Variants in KDM1A observed in about 807,000 individuals in gnomAD.
KDM1A encodes lysine-specific histone demethylase 1A.
Under a neutral mutation model 109.4 loss-of-function variants are expected in KDM1A, and 49 were observed. The ratio of observed to expected loss-of-function variants is 0.45; its 90% confidence interval spans 0.36 to 0.57. The LOEUF is 0.57. Among genes scored for constraint, KDM1A ranks in the 20% least tolerant of loss-of-function variants. The pLI is 0.00. For missense variants in KDM1A, 668 were observed against 1,116.6 expected (o/e 0.60, Z 5.73); for synonymous variants, 380 against 415.4 (o/e 0.91, Z 1.04).
At chr1:23,077,665 T>A (rs1025089196) in intron 16 of KDM1A, among the ~76,000 whole-genome samples, 1 of 152,230 alleles carries the variant, frequency 6.6e-6, no homozygotes, top group Non-Finnish European at 1.5e-5. Flanking sequence ...GCATTTCCTT[T>A]GAGCACCATG....
chr1:23,070,619 T>C (rs945712029), intron 12 of KDM1A, among the ~76,000 whole-genome samples: 4 of 151,968 alleles, frequency 2.6e-5, no homozygotes, highest in Admixed American at 6.6e-5. Flanking sequence ...CCATTCTGGC[T>C]AACATGGTGA....
chr1:23,029,764 C>T (rs753109826), intron 1 of KDM1A, among the ~76,000 whole-genome samples: 7 of 152,058 alleles, frequency 4.6e-5, no homozygotes, highest in East Asian at 3.9e-4. Flanking sequence ...CTCAGCCTCC[C>T]GAGTAGCTGG....
intron 2 of KDM1A, among the ~76,000 whole-genome samples, chr1:23,031,082 G>A (rs1641967878): frequency 6.6e-6 from 1 of 152,222 alleles, no homozygotes. Flanking sequence ...CTTCCACGGT[G>A]TGGATCGGTT....
chr1:23,072,019 G>T, intron 13 of KDM1A, 105 bp from the exon 14 acceptor site: 1 of 713,120 alleles, frequency 1.4e-6, no homozygotes, highest in South Asian at 1.8e-5. Flanking sequence ...TCCTGTACAT[G>T]ATCTGAAGAG....
chr1:23,055,058 T>C lies in KDM1A; in HGVS notation c.791-11T>C, dbSNP rs760607108. Reference sequence around the variant, plus strand: ...AAATAAAACCGTGTTTTTAATCCACTTATTCTGTAGGTGATACTGTGCTTG... The same window carrying C: ...AAATAAAACCGTGTTTTTAATCCACCTATTCTGTAGGTGATACTGTGCTTG... On this transcript the variant is annotated splice_polypyrimidine_tract_variant and intron_variant, in intron 5 of 20. Coordinates refer to ENST00000400181, the MANE Select transcript of KDM1A (RefSeq NM_001009999.3). 6.1e-5 allele frequency: 95 copies of C among 1,554,114 alleles called. No homozygotes were observed. Among genetic ancestry groups the C allele is most frequent in the Non-Finnish European group, 8.3e-5 (94 of 1,139,002 alleles).
In KDM1A at chr1:23,082,131, A is replaced by G. The variant is rs892142145; in HGVS notation, c.2299-89A>G. 4.3e-6 allele frequency: 6 copies of G among 1,408,882 alleles called. No individual in the cohort carries two copies. The Admixed American group carries it at 7.9e-5, about 19-fold the overall frequency. 87.3% of individuals were successfully genotyped at this position (1,408,882 alleles called of 1,614,324 possible). ...GTTGCCCCTCTTTCTCTTCACTTGCATCTCCACCCACCACTGCTTTTCCAC... is the reference window on the plus strand; with the variant it reads ...GTTGCCCCTCTTTCTCTTCACTTGCGTCTCCACCCACCACTGCTTTTCCAC... On this transcript the variant is annotated intron_variant, in intron 19 of 20. Transcript: ENST00000400181.
chr1:23,075,498 G>A (rs1282971939), intron 15 of KDM1A, among the ~76,000 whole-genome samples: 1 of 151,874 alleles, frequency 6.6e-6, no homozygotes, highest in Non-Finnish European at 1.5e-5. Flanking sequence ...CTGAACCCAG[G>A]AGGCAGAGGC....
Position 23,019,669 on chromosome 1 carries a change from C to T in KDM1A, c.73C>T (p.Pro25Ser). ...AAAATGTEAG[P>S]GTAGGSENGS... Reference sequence around the variant, plus strand: ...GGCAGCAACCGGGACGGAGGCTGGCCCTGGGACAGCAGGCGGCTCCGAGAA... The same window carrying T: ...GGCAGCAACCGGGACGGAGGCTGGCTCTGGGACAGCAGGCGGCTCCGAGAA... The change falls in exon 1 of 21, where the codon CCT becomes TCT. Residue 25 changes from proline to serine, a missense_variant. Physicochemically the swap from Pro to Ser is moderately conservative, Grantham distance 74 (BLOSUM62 -1). Transcript: ENST00000400181. 7.3e-7 allele frequency: 1 copy of T among 1,377,800 alleles called. No individual in the cohort carries two copies. Among genetic ancestry groups the T allele is most frequent in the Non-Finnish European group, 9.3e-7 (1 of 1,073,482 alleles). 85.3% of individuals were successfully genotyped at this position (1,377,800 alleles called of 1,614,324 possible). A position where few individuals can be genotyped will look rare whatever the true frequency, so the allele number is the denominator to read the frequency against.
intron 2 of KDM1A, among the ~76,000 whole-genome samples, chr1:23,041,580 T>C (rs1446962959): frequency 6.6e-6 from 1 of 151,384 alleles, no homozygotes; most frequent in Non-Finnish European, 1.5e-5. Flanking sequence ...GTAGCTGGGA[T>C]TACAGGTGCA....
chr1:23,076,629 C>G (rs1643472292), intron 15 of KDM1A, among the ~76,000 whole-genome samples: 1 of 152,062 alleles, frequency 6.6e-6, no homozygotes, highest in South Asian at 2.1e-4. Flanking sequence ...CCTACCCTAA[C>G]CACCATAGAA....
intron 19 of KDM1A, chr1:23,081,954 A>G: frequency 2.3e-6 from 1 of 443,364 alleles, no homozygotes; most frequent in Non-Finnish European, 4.0e-6. Flanking sequence ...GATATTGTGA[A>G]TTTATAAAAG....
rs1642928178 is a variant in KDM1A at position 23,059,248 on chromosome 1, T to A, written c.1167+81T>A. 6 of 885,996 alleles carry A rather than the reference T, an allele frequency of 6.8e-6. No homozygotes were observed. In the South Asian group the frequency reaches 8.2e-5, roughly 12 times the overall value. The allele number at this position is 885,996 out of a possible 1,614,324, so 54.9% of individuals were successfully genotyped here. On this transcript the variant is annotated intron_variant, in intron 9 of 20. Coordinates refer to ENST00000400181, the MANE Select transcript of KDM1A (RefSeq NM_001009999.3). Reference sequence around the variant, plus strand: ...TTTAGGAGAATGGTATGGATGAGCATATACATATATACACATATAGAGGTG... The same window carrying A: ...TTTAGGAGAATGGTATGGATGAGCAAATACATATATACACATATAGAGGTG...
chr1:23,062,759 A>C (rs186211827), intron 9 of KDM1A, among the ~76,000 whole-genome samples: 134 of 152,308 alleles, frequency 8.8e-4, no homozygotes, highest in African/African-American at 3.1e-3. Flanking sequence ...GGATGACCAC[A>C]ACAAAGTCTT....
Position 23,019,546 on chromosome 1 carries a change from G to A in KDM1A, c.-51G>A. The stretch of plus-strand genomic sequence containing the variant: ...CGAGGCAAGGCTTTTCGGACCCACG[G>A]AGCGACAGAGCGAGCGGCCCCTACG... On this transcript the variant is annotated 5_prime_UTR_variant, in exon 1 of 21. Coordinates refer to ENST00000400181, the MANE Select transcript of KDM1A (RefSeq NM_001009999.3). 7.4e-7 allele frequency: 1 copy of A among 1,346,958 alleles called. No homozygotes were observed. Among genetic ancestry groups the A allele is most frequent in the Non-Finnish European group, 9.5e-7 (1 of 1,051,170 alleles). 83.4% of individuals were successfully genotyped at this position (1,346,958 alleles called of 1,614,324 possible).
chr1:23,082,637 C>A (rs903489503), intron 20 of KDM1A: 4 of 336,992 alleles, frequency 1.2e-5, no homozygotes, highest in Non-Finnish European at 2.1e-5. Flanking sequence ...AAAAACAAAA[C>A]CATTTTTAAT....
intron 2 of KDM1A, among the ~76,000 whole-genome samples, chr1:23,033,187 T>C (rs1642041426): frequency 6.6e-6 from 1 of 152,240 alleles, no homozygotes; most frequent in Admixed American, 6.5e-5. Context: ...ACCAAACCTT[T>C]TCTTGTTCTC....
intron 3 of KDM1A, among the ~76,000 whole-genome samples, chr1:23,045,051 A>G (rs1642463563): frequency 6.6e-6 from 1 of 152,230 alleles, no homozygotes; most frequent in Non-Finnish European, 1.5e-5. Flanking sequence ...AAAGTCTGAA[A>G]TACTTTTTTC....
chr1:23,079,181 G>C lies in KDM1A; in HGVS notation c.2055+4G>C, dbSNP rs1196113101. 8 of 1,613,650 alleles carry C rather than the reference G, an allele frequency of 5.0e-6. No homozygotes were observed. Among genetic ancestry groups the C allele is most frequent in the Non-Finnish European group, 6.8e-6 (8 of 1,179,770 alleles). On this transcript the variant is annotated splice_donor_region_variant and intron_variant, in intron 17 of 20. Transcript: ENST00000400181. The surrounding 1 kb of genome is among the most constrained non-coding windows in gnomAD (Gnocchi z 5.6). ...GGGATTTGGCAACCTTAACAAGGTA[G>C]CTTGCCCTAGACACTCCTGTCTACA... is the stretch of plus-strand genomic sequence containing the variant.
At chr1:23,073,448 G>C in intron 15 of KDM1A, 45 bp downstream of exon 15, 2 of 998,334 alleles carry the variant, frequency 2.0e-6, no homozygotes, top group Non-Finnish European at 3.2e-6. Flanking sequence ...GCCTTTGAGA[G>C]GGATTGTAAG....
Sources: allele counts gnomAD v4.1 joint callset (sites outside exome capture counted in the v4.1 genomes callset), GRCh38; gene constraint gnomAD v4.1.1; non-coding constraint Gnocchi (gnomAD v3.1); transcripts MANE v1.5; gene names NCBI Gene and HGNC (gene_info 2026-07-23, HGNC 2026-07-21).